Variants in VWC2 observed in about 807,000 individuals in gnomAD.
The protein encoded by VWC2 is von Willebrand factor C domain containing 2.
Under a neutral mutation model 29.8 loss-of-function variants are expected in VWC2, and 14 were observed. The observed-to-expected ratio is 0.47, with a 90% confidence interval of 0.31 to 0.74. The LOEUF is 0.74. Among genes scored for constraint, VWC2 ranks in the 30% least tolerant of loss-of-function variants. The pLI is 0.05. For missense variants in VWC2, 457 were observed against 459.8 expected (o/e 0.99, Z 0.05); for synonymous variants, 213 against 199.0 (o/e 1.07, Z -0.59).
At chr7:49,897,539 T>C (rs1792450898) in intron 3 of VWC2, among the ~76,000 whole-genome samples, 2 of 152,200 alleles carry the variant, frequency 1.3e-5, no homozygotes, top group African/African-American at 4.8e-5. Context: ...AGCTTGGAAG[T>C]TGCAACTCTA....
chr7:49,863,634 G>T (rs891970903), intron 3 of VWC2, among the ~76,000 whole-genome samples: 2 of 151,930 alleles, frequency 1.3e-5, no homozygotes, highest in Non-Finnish European at 2.9e-5. Context: ...GTCTTGCCAT[G>T]TTGCCTAGTC....
intron 3 of VWC2, among the ~76,000 whole-genome samples, chr7:49,822,661 ACTC>A (rs1789290307): frequency 6.6e-6 from 1 of 151,908 alleles, no homozygotes; most frequent in Admixed American, 6.6e-5. Context: ...CTGGTCTCGA[ACTC>A]CTGGCTTCAA....
chr7:49,812,333 A>G (rs2128707662), intron 3 of VWC2, among the ~76,000 whole-genome samples: 1 of 152,326 alleles, frequency 6.6e-6, no homozygotes, highest in South Asian at 2.1e-4. Context: ...CCTTCTAAAA[A>G]TCTTGACCCT....
chr7:49,810,080 T>G (rs1230020804), intron 3 of VWC2, among the ~76,000 whole-genome samples: 1 of 151,962 alleles, frequency 6.6e-6, no homozygotes, highest in Admixed American at 6.6e-5. Flanking sequence ...CTGCCTTTAT[T>G]AGAAGATGTT....
At chr7:49,905,683 G>C (rs1398352242) in intron 3 of VWC2, among the ~76,000 whole-genome samples, 1 of 152,180 alleles carries the variant, frequency 6.6e-6, no homozygotes, top group Non-Finnish European at 1.5e-5. Context: ...ATCTTGAATA[G>C]GGGCTGGGTA....
chr7:49,892,273 C>T (rs1306280074), intron 3 of VWC2, among the ~76,000 whole-genome samples: 1 of 151,864 alleles, frequency 6.6e-6, no homozygotes, highest in South Asian at 2.1e-4. Flanking sequence ...GTCTCGATCT[C>T]CTGACCTCGT....
At chr7:49,841,909 C>T (rs1364661615) in intron 3 of VWC2, among the ~76,000 whole-genome samples, 2 of 151,888 alleles carry the variant, frequency 1.3e-5, no homozygotes, top group Non-Finnish European at 2.9e-5. Flanking sequence ...TCTTATTGCC[C>T]AGACTGCAGT....
chr7:49,812,871 A>G (rs1789045642), intron 3 of VWC2, among the ~76,000 whole-genome samples: 1 of 152,122 alleles, frequency 6.6e-6, no homozygotes, highest in Non-Finnish European at 1.5e-5. Flanking sequence ...CTCCTAAATT[A>G]TATTTTGGTT....
In VWC2 at chr7:49,806,902, C is replaced by T. The variant is rs1315786076; in HGVS notation, c.826+4062C>T. Among the ~76,000 whole-genome samples, 3 of 151,978 alleles carry T rather than the reference C, an allele frequency of 2.0e-5. No individual in the cohort carries two copies. In the South Asian group the frequency reaches 6.3e-4, roughly 32 times the overall value. The stretch of plus-strand genomic sequence containing the variant: ...TTATTTACAGATTACGTGATTGTGC[C>T]CATAAAAAATAAAGGAATTTACAAA... On this transcript the variant is annotated intron_variant, in intron 3 of 3. Transcript: ENST00000340652.
intron 3 of VWC2, among the ~76,000 whole-genome samples, chr7:49,820,067 C>T (rs1373861593): frequency 3.6e-5 from 1 of 28,040 alleles, no homozygotes; most frequent in Non-Finnish European, 1.1e-4. Context: ...ACCAACCTTC[C>T]TGTCATTACT....
At chr7:49,898,127 G>GTA (rs1792484501) in intron 3 of VWC2, among the ~76,000 whole-genome samples, 1 of 151,978 alleles carries the variant, frequency 6.6e-6, no homozygotes, top group African/African-American at 2.4e-5. Flanking sequence ...GTGTGTGTGT[G>GTA]TGTATGTATG....
intron 3 of VWC2, among the ~76,000 whole-genome samples, chr7:49,853,767 A>T (rs1790295353): frequency 6.6e-6 from 1 of 151,998 alleles, no homozygotes; most frequent in South Asian, 2.1e-4. Context: ...CACAACGTGC[A>T]GGTTTGTTAC....
chr7:49,862,942 C>T (rs1192318334), intron 3 of VWC2, among the ~76,000 whole-genome samples: 1 of 152,126 alleles, frequency 6.6e-6, no homozygotes, highest in Non-Finnish European at 1.5e-5. Context: ...TGTGATGTCT[C>T]AATCTGGCTT....
chr7:49,808,074 G>A (rs910146588), intron 3 of VWC2, among the ~76,000 whole-genome samples: 1 of 151,914 alleles, frequency 6.6e-6, no homozygotes, highest in Non-Finnish European at 1.5e-5. Flanking sequence ...TTCCATGACA[G>A]GTCCTGTTCT....
At chr7:49,849,436 A>T (rs1164262497) in intron 3 of VWC2, among the ~76,000 whole-genome samples, 1 of 152,162 alleles carries the variant, frequency 6.6e-6, no homozygotes, top group Non-Finnish European at 1.5e-5. Flanking sequence ...CTCTGCTGGG[A>T]GCAGACTGTC....
intron 3 of VWC2, among the ~76,000 whole-genome samples, chr7:49,835,619 A>C (rs528961613): frequency 3.3e-5 from 5 of 152,352 alleles, no homozygotes; most frequent in African/African-American, 1.2e-4. Flanking sequence ...AACAAAAAAG[A>C]AACTTGGAGC....
At chr7:49,846,568 C>T (rs1309208172) in intron 3 of VWC2, among the ~76,000 whole-genome samples, 1 of 152,150 alleles carries the variant, frequency 6.6e-6, no homozygotes, top group Non-Finnish European at 1.5e-5. Context: ...TGTAGAAAGC[C>T]TTGTGGGCTA....
intron 3 of VWC2, among the ~76,000 whole-genome samples, chr7:49,813,184 A>C (rs1464079746): frequency 1.3e-5 from 2 of 152,216 alleles, no homozygotes; most frequent in African/African-American, 4.8e-5. Flanking sequence ...GATGGGGCTG[A>C]AAACTGAAAA....
chr7:49,878,815 A>G (rs1429786458), intron 3 of VWC2, among the ~76,000 whole-genome samples: 1 of 152,194 alleles, frequency 6.6e-6, no homozygotes, highest in Non-Finnish European at 1.5e-5. Context: ...GTGAATAAAG[A>G]CATGTTGGAA....
Sources: allele counts gnomAD v4.1 joint callset (sites outside exome capture counted in the v4.1 genomes callset), GRCh38; gene constraint gnomAD v4.1.1; transcripts MANE v1.5; gene names NCBI Gene and HGNC (gene_info 2026-07-23, HGNC 2026-07-21).